Variants in ACOT7 observed in about 807,000 individuals in gnomAD.
ACOT7 encodes cytosolic acyl coenzyme A thioester hydrolase.
Under a neutral mutation model 40.2 loss-of-function variants are expected in ACOT7, and 12 were observed. That is an observed-to-expected ratio of 0.30 (90% CI 0.19 to 0.48). The LOEUF is 0.48. Ranked by LOEUF, ACOT7 falls within the 20% of genes least tolerant of loss-of-function variation. The pLI, the probability that ACOT7 is intolerant of heterozygous loss-of-function variation, is 0.99. For missense variants in ACOT7, 395 were observed against 530.8 expected (o/e 0.74, Z 2.51); for synonymous variants, 228 against 219.5 (o/e 1.04, Z -0.34).
chr1:6,377,036 C>T (rs561789635), intron 1 of ACOT7, among the ~76,000 whole-genome samples: 2 of 152,222 alleles, frequency 1.3e-5, no homozygotes, highest in East Asian at 3.9e-4. Flanking sequence ...ACTGAGACAC[C>T]ACTACATGCC....
At chr1:6,345,833 A>G (rs1641404314) in intron 2 of ACOT7, among the ~76,000 whole-genome samples, 1 of 152,028 alleles carries the variant, frequency 6.6e-6, no homozygotes, top group African/African-American at 2.4e-5. Flanking sequence ...ACACAGGGAG[A>G]GGAAGGGTGA....
chr1:6,333,097 G>A (rs1052179498), intron 4 of ACOT7, among the ~76,000 whole-genome samples: 2 of 152,206 alleles, frequency 1.3e-5, no homozygotes, highest in African/African-American at 4.8e-5. Context: ...TCACTATCAC[G>A]ATCCTGTCAC....
chr1:6,333,426 A>G (rs754946834), intron 4 of ACOT7, 51 bp downstream of exon 4: 6 of 1,597,578 alleles, frequency 3.8e-6, no homozygotes, highest in Non-Finnish European at 4.3e-6. Flanking sequence ...AGGTGAGGTG[A>G]CCTGATCTCT....
At chr1:6,328,748 G>C (rs1032642067) in intron 4 of ACOT7, among the ~76,000 whole-genome samples, 2 of 152,170 alleles carry the variant, frequency 1.3e-5, no homozygotes, top group Admixed American at 1.3e-4. Context: ...CTGAGTCCCG[G>C]GACACAGCAG....
At position 6,333,528 on chromosome 1, in the gene ACOT7, C is replaced by A; in HGVS notation, c.459G>T (p.Val153=). The A allele has an allele frequency of 2.5e-6, 4 of 1,614,220 alleles. No homozygotes were observed. Among genetic ancestry groups the A allele is most frequent in the Non-Finnish European group, 3.4e-6 (4 of 1,180,034 alleles). ...KLTNKATLWY[V]PLSLKNVDKV... ...TGTCCACATTCTTCAGCGACAGGGG[C>A]ACATACCACAGGGTGGCCTTATTGG... The change falls in exon 4 of 9, where the codon GTG becomes GTT. Residue 153 remains valine (V), a synonymous_variant. Coordinates refer to ENST00000361521, the MANE Select transcript of ACOT7 (RefSeq NM_007274.4).
At chr1:6,327,446 C>A (rs773834902) in intron 4 of ACOT7, 33 bp from the exon 5 acceptor site, 2 of 1,606,642 alleles carry the variant, frequency 1.2e-6, no homozygotes, top group African/African-American at 1.3e-5. Context: ...CAGGCCCAGG[C>A]AGGACACGGC....
chr1:6,386,640 G>A (rs1193432709), intron 1 of ACOT7, among the ~76,000 whole-genome samples: 1 of 152,156 alleles, frequency 6.6e-6, no homozygotes. Context: ...AAGATCACTT[G>A]AGCCCAGGAG....
intron 4 of ACOT7, among the ~76,000 whole-genome samples, chr1:6,328,838 C>T (rs929588268): frequency 3.3e-5 from 5 of 151,814 alleles, no homozygotes; most frequent in South Asian, 2.1e-4. Flanking sequence ...GCACCACACT[C>T]GGATGGGACC....
At chr1:6,348,761 G>A (rs562730232) in intron 2 of ACOT7, among the ~76,000 whole-genome samples, 3 of 152,176 alleles carry the variant, frequency 2.0e-5, no homozygotes, top group African/African-American at 2.4e-5. Flanking sequence ...TCTTAGTTCC[G>A]GCAGCCCAGG....
chr1:6,353,105 T>C (rs1191138796), intron 1 of ACOT7, among the ~76,000 whole-genome samples: 1 of 152,010 alleles, frequency 6.6e-6, no homozygotes, highest in African/African-American at 2.4e-5. Context: ...CTCAAATTCC[T>C]GACCTCAGGT....
chr1:6,269,821 G>C (rs1359888131), intron 8 of ACOT7, among the ~76,000 whole-genome samples: 1 of 152,264 alleles, frequency 6.6e-6, no homozygotes, highest in Non-Finnish European at 1.5e-5. Flanking sequence ...CTCTGAGACA[G>C]AGTCCAGACC....
intron 3 of ACOT7, among the ~76,000 whole-genome samples, chr1:6,334,865 C>T (rs1641056101): frequency 1.3e-5 from 2 of 152,334 alleles, no homozygotes; most frequent in Admixed American, 6.5e-5. Context: ...CCAGTCATTT[C>T]AGAGAAGTAT....
At chr1:6,343,776 A>G (rs1201218842) in intron 2 of ACOT7, among the ~76,000 whole-genome samples, 1 of 152,248 alleles carries the variant, frequency 6.6e-6, no homozygotes, top group Non-Finnish European at 1.5e-5. Flanking sequence ...GATTAAGTAC[A>G]TTACGGTATG....
At chr1:6,349,144 C>A (rs1481070577) in intron 2 of ACOT7, among the ~76,000 whole-genome samples, 2 of 152,216 alleles carry the variant, frequency 1.3e-5, no homozygotes, top group Non-Finnish European at 2.9e-5. Flanking sequence ...CCTACAGCAG[C>A]CCTGAGGTTG....
intron 6 of ACOT7, among the ~76,000 whole-genome samples, chr1:6,308,081 C>G (rs1640214227): frequency 6.6e-6 from 1 of 150,518 alleles, no homozygotes; most frequent in African/African-American, 2.5e-5. Context: ...GAACAGTGAC[C>G]AAAGGGAACT....
rs765631300 is a variant in ACOT7, at chr1:6,299,347, G to A, written c.713-4367C>T. On this transcript the variant is annotated intron_variant, in intron 6 of 8. Transcript: ENST00000361521. The surrounding 1 kb of genome is among the most constrained non-coding windows in gnomAD (Gnocchi z 4.1). ...GGCTTTGGGGACAGATCTGAGGTTT[G>A]GAGGCTGAACAGAAAAGGAAAGAAA... is the stretch of plus-strand genomic sequence containing the variant. 6.6e-6 allele frequency among the ~76,000 whole-genome samples: 1 copy of A among 152,214 alleles called. No homozygotes were observed. The highest frequency in any genetic ancestry group is 1.5e-5 in the Non-Finnish European group (1 of 68,022).
intron 1 of ACOT7, among the ~76,000 whole-genome samples, chr1:6,373,394 C>A (rs1473982757): frequency 6.6e-6 from 1 of 152,134 alleles, no homozygotes; most frequent in Non-Finnish European, 1.5e-5. Context: ...GTGACTACGG[C>A]ACATGCCACC....
intron 6 of ACOT7, among the ~76,000 whole-genome samples, chr1:6,308,808 C>CGGAGGGAAAAGCGACTGGGT (rs1640247714): frequency 1.3e-5 from 2 of 151,568 alleles, no homozygotes; most frequent in African/African-American, 4.8e-5. Flanking sequence ...AGCGACTGGG[C>CGGAGGGAAAAGCGACTGGGT]GGAGGGAAAA....
At chr1:6,391,959 G>A (rs541357366) in intron 1 of ACOT7, among the ~76,000 whole-genome samples, 2 of 148,704 alleles carry the variant, frequency 1.3e-5, no homozygotes, top group African/African-American at 2.5e-5. Context: ...TTTTTGCCCC[G>A]CTTTCCCCAC....
Sources: allele counts gnomAD v4.1 joint callset (sites outside exome capture counted in the v4.1 genomes callset), GRCh38; gene constraint gnomAD v4.1.1; non-coding constraint Gnocchi (gnomAD v3.1); transcripts MANE v1.5; gene names NCBI Gene and HGNC (gene_info 2026-07-23, HGNC 2026-07-21).